The following TRAPPC12 variants were observed in gnomAD, a reference collection of about 807,000 sequenced individuals.
TRAPPC12 encodes the protein trafficking protein particle complex subunit 12.
TRAPPC12 carries 61 observed loss-of-function variants against 69.2 expected under a neutral mutation model. That is an observed-to-expected ratio of 0.88 (90% CI 0.72 to 1.09). The LOEUF (loss-of-function observed/expected upper bound fraction) is 1.09, where lower values mean the gene tolerates loss of function less well. Among genes scored for constraint, TRAPPC12 ranks in the 50% least tolerant of loss-of-function variants. The probability of loss-of-function intolerance (pLI) is 0.00; values close to 1 mark genes in which losing one functional copy is unlikely to be tolerated. For synonymous variants in TRAPPC12, 469 were observed against 438.9 expected (o/e 1.07, Z -0.86); for missense variants, 1,101 against 1,016.4 (o/e 1.08, Z -1.13).
At chr2:3,394,633 A>G (rs1572091086) in intron 2 of TRAPPC12, among the ~76,000 whole-genome samples, 1 of 151,972 alleles carries the variant, frequency 6.6e-6, no homozygotes, top group African/African-American at 2.4e-5. Context: ...GTTAAAAAAA[A>G]AAAGGGGGGG....
At chr2:3,432,056 C>G (rs1663470168) in intron 5 of TRAPPC12, among the ~76,000 whole-genome samples, 1 of 152,190 alleles carries the variant, frequency 6.6e-6, no homozygotes, top group African/African-American at 2.4e-5. Context: ...TTAGATTGCT[C>G]ACTTCAAGTT....
chr2:3,442,200 A>G (rs549884513), intron 5 of TRAPPC12, among the ~76,000 whole-genome samples: 2 of 152,286 alleles, frequency 1.3e-5, no homozygotes, highest in Admixed American at 6.5e-5. Flanking sequence ...AGATCGGAGT[A>G]TTAACAGCTA....
chr2:3,420,558 AGT>A (rs1483035312), intron 3 of TRAPPC12, among the ~76,000 whole-genome samples: 10 of 152,174 alleles, frequency 6.6e-5, no homozygotes, highest in African/African-American at 2.4e-4. Context: ...CTGCAGTGTG[AGT>A]GTGAGGCCAC....
chr2:3,392,102 G>A (rs1660859622), intron 2 of TRAPPC12, among the ~76,000 whole-genome samples: 1 of 152,164 alleles, frequency 6.6e-6, no homozygotes, highest in South Asian at 2.1e-4. Context: ...GTGAGCATAT[G>A]ACATTTAGTG....
intron 2 of TRAPPC12, among the ~76,000 whole-genome samples, chr2:3,398,430 A>G (rs147051759): frequency 2.0e-5 from 3 of 152,236 alleles, no homozygotes; most frequent in East Asian, 1.9e-4. Flanking sequence ...TCCCTGGAGT[A>G]AGCAAACACT....
intron 2 of TRAPPC12, among the ~76,000 whole-genome samples, chr2:3,391,104 CAT>C (rs1660798399): frequency 6.6e-6 from 1 of 152,158 alleles, no homozygotes; most frequent in Non-Finnish European, 1.5e-5. Context: ...CAGATTAAAT[CAT>C]ATGCATGTCA....
intron 3 of TRAPPC12, among the ~76,000 whole-genome samples, chr2:3,410,040 T>A (rs929305276): frequency 1.4e-4 from 21 of 152,190 alleles, no homozygotes; most frequent in Admixed American, 1.3e-3. Context: ...GCCCAGACTC[T>A]CTCTGCCACG....
At chr2:3,419,357 G>T (rs913555570) in intron 3 of TRAPPC12, among the ~76,000 whole-genome samples, 2 of 152,210 alleles carry the variant, frequency 1.3e-5, no homozygotes, top group African/African-American at 4.8e-5. Flanking sequence ...AGAGCCATTT[G>T]TATTATATAA....
Position 3,448,724 on chromosome 2 carries a change from C to T in TRAPPC12, c.1530+4833C>T, listed in dbSNP as rs995236216. 2.6e-5 allele frequency among the ~76,000 whole-genome samples: 3 copies of T among 113,338 alleles called. No homozygotes were observed. The South Asian group carries it at 7.2e-4, about 27-fold the overall frequency. The allele number at this position is 113,338 out of a possible 152,430, so 74.4% of individuals were successfully genotyped here. ...GCGAGGGTAGGGCGTGGAGAGCAGC[C>T]GGTTACGCGAGGGTAGGGCGTGGAG... On this transcript the variant is annotated intron_variant, in intron 6 of 11. Coordinates refer to ENST00000324266, the MANE Select transcript of TRAPPC12 (RefSeq NM_016030.6).
chr2:3,411,788 G>A (rs1040089364), intron 3 of TRAPPC12, among the ~76,000 whole-genome samples: 11 of 152,210 alleles, frequency 7.2e-5, no homozygotes, highest in Non-Finnish European at 1.5e-5. Flanking sequence ...TTTAGGATAA[G>A]TCTTAGGAGG....
intron 9 of TRAPPC12, 86 bp downstream of exon 9, chr2:3,465,781 T>A: frequency 1.1e-6 from 1 of 931,012 alleles, no homozygotes; most frequent in Non-Finnish European, 1.8e-6. Flanking sequence ...TTAATCATTT[T>A]AATATAAGAA....
chr2:3,410,993 G>T (rs184406236), intron 3 of TRAPPC12, among the ~76,000 whole-genome samples: 148 of 152,262 alleles, frequency 9.7e-4, no homozygotes, highest in African/African-American at 3.4e-3. Flanking sequence ...TCACGCCACT[G>T]CACTTCAGCC....
intron 3 of TRAPPC12, among the ~76,000 whole-genome samples, chr2:3,416,993 C>A (rs1475181273): frequency 1.3e-5 from 2 of 151,614 alleles, no homozygotes; most frequent in African/African-American, 4.9e-5. Flanking sequence ...TGCTCCCGCT[C>A]CTCTCAGGAA....
chr2:3,458,068 CCTCTGCGTCGGGGACAG>C, intron 7 of TRAPPC12: 1 of 1,034,280 alleles, frequency 9.7e-7, no homozygotes. Context: ...GGGACAGAGG[CCTCTGCGTCGGGGACAG>C]AGGCTCGGGA....
intron 9 of TRAPPC12, among the ~76,000 whole-genome samples, chr2:3,470,892 G>A (rs779801047): frequency 2.0e-5 from 3 of 152,208 alleles, no homozygotes; most frequent in East Asian, 3.8e-4. Flanking sequence ...TGACCCAGCC[G>A]GACAGAGGTG....
At chr2:3,444,589 G>A (rs1312519722) in intron 6 of TRAPPC12, among the ~76,000 whole-genome samples, 1 of 152,232 alleles carries the variant, frequency 6.6e-6, no homozygotes, top group Non-Finnish European at 1.5e-5. Flanking sequence ...AAGGTATGCG[G>A]AAGTACTTTG....
chr2:3,405,949 T>C (rs1163145067), intron 3 of TRAPPC12, among the ~76,000 whole-genome samples: 1 of 152,188 alleles, frequency 6.6e-6, no homozygotes, highest in Non-Finnish European at 1.5e-5. Context: ...CTGCTTGTAC[T>C]ACATCTTGAA....
At chr2:3,388,704 C>T in intron 2 of TRAPPC12, 34 bp downstream of exon 2, 1 of 1,495,696 alleles carries the variant, frequency 6.7e-7, no homozygotes. Flanking sequence ...GCAGCCCGTG[C>T]CTCCTCTCTG....
intron 5 of TRAPPC12, among the ~76,000 whole-genome samples, chr2:3,425,415 G>C (rs1663045797): frequency 6.6e-6 from 1 of 152,212 alleles, no homozygotes; most frequent in South Asian, 2.1e-4. Flanking sequence ...GTTACATCCT[G>C]CTTCCCCCAT....
Sources: allele counts gnomAD v4.1 joint callset (sites outside exome capture counted in the v4.1 genomes callset), GRCh38; gene constraint gnomAD v4.1.1; transcripts MANE v1.5; gene names NCBI Gene and HGNC (gene_info 2026-07-23, HGNC 2026-07-21).